The following POLE2 variants were observed in gnomAD, a reference collection of about 807,000 sequenced individuals.
POLE2 encodes the protein DNA polymerase epsilon subunit 2.
POLE2 carries 56 observed loss-of-function variants against 79.4 expected under a neutral mutation model. That is an observed-to-expected ratio of 0.71 (90% CI 0.57 to 0.88). POLE2 has a LOEUF of 0.88. POLE2 is among the 40% of genes least tolerant of loss of function. POLE2 has a pLI of 0.00. For missense variants in POLE2, 598 were observed against 638.9 expected (o/e 0.94, Z 0.69); for synonymous variants, 212 against 214.0 (o/e 0.99, Z 0.08).
chr14:49,685,848 C>T (rs1472597067), intron 1 of POLE2, among the ~76,000 whole-genome samples: 1 of 151,688 alleles, frequency 6.6e-6, no homozygotes, highest in East Asian at 1.9e-4. Context: ...AGGCCGGTCT[C>T]GAATTCCTGA....
In POLE2 at chr14:49,664,986, C is replaced by A. The variant is rs776682935; in HGVS notation, c.633+121G>T. 2.1e-5 allele frequency: 14 copies of A among 669,014 alleles called. No individual in the cohort carries two copies. The East Asian group carries it at 3.6e-4, about 17-fold the overall frequency. The allele number at this position is 669,014 out of a possible 1,614,324, so 41.4% of individuals were successfully genotyped here. A position where few individuals can be genotyped will look rare whatever the true frequency, so the allele number is the denominator to read the frequency against. On this transcript the variant is annotated intron_variant, in intron 8 of 18. Transcript: ENST00000216367. ...TTAGGATTATATCTCTACATTCCTA[C>A]ACCAGCAACATAGAGAAGTTACATT...
At chr14:49,682,663 A>G (rs915075279) in intron 2 of POLE2, among the ~76,000 whole-genome samples, 2 of 149,840 alleles carry the variant, frequency 1.3e-5, no homozygotes, top group African/African-American at 5.0e-5. Flanking sequence ...AAAAAAAAAA[A>G]AAAGTCTATT....
chr14:49,679,911 A>G (rs1262487269), intron 2 of POLE2, 111 bp from the exon 3 acceptor site: 2 of 629,924 alleles, frequency 3.2e-6, no homozygotes, highest in East Asian at 2.8e-5. Context: ...TGAGATTCTC[A>G]TTATACAGTT....
Position 49,650,287 on chromosome 14 carries a change from G to A in POLE2, c.1475C>T (p.Thr492Ile), listed in dbSNP as rs757260783. The A allele has an allele frequency of 9.4e-6, 15 of 1,601,894 alleles. No individual in the cohort carries two copies. In the East Asian group the frequency reaches 3.2e-4, roughly 34 times the overall value. Residue 492 changes from threonine (T) to isoleucine (I), a missense_variant, in exon 17 of 19, where the codon ACC (threonine) becomes ATC (isoleucine). Thr to Ile is a moderately conservative substitution (Grantham distance 89). Coordinates refer to ENST00000216367, the MANE Select transcript of POLE2 (RefSeq NM_002692.4). ...TACAGGGTTTATGCAGAGGCATTCG[G>A]TATTTGTCGTAGTGAAAGGATCATA... ...DKYDPFTTTN[T>I]ECLCINPGSF...
intron 10 of POLE2, among the ~76,000 whole-genome samples, chr14:49,662,383 T>C (rs1347383725): frequency 6.6e-6 from 1 of 152,230 alleles, no homozygotes; most frequent in African/African-American, 2.4e-5. Context: ...CTGCAACCTC[T>C]GCCTCCTGGT....
At chr14:49,653,532 A>G (rs1884428296) in intron 15 of POLE2, among the ~76,000 whole-genome samples, 1 of 152,240 alleles carries the variant, frequency 6.6e-6, no homozygotes, top group Admixed American at 6.5e-5. Context: ...AAGTTTTGAG[A>G]AACCTAAAAC....
intron 11 of POLE2, 126 bp from the exon 12 acceptor site, chr14:49,655,220 A>G (rs1331660018): frequency 3.0e-6 from 1 of 328,458 alleles, no homozygotes; most frequent in African/African-American, 2.2e-5. Context: ...ATAACTTATT[A>G]AAATAATACT....
intron 5 of POLE2, among the ~76,000 whole-genome samples, chr14:49,670,317 C>CAAAAAAAAAAAA (rs61383006): frequency 5.1e-5 from 3 of 59,102 alleles, no homozygotes; most frequent in Admixed American, 1.9e-4. Flanking sequence ...ACTGTGTCTC[C>CAAAAAAAAAAAA]AAAAAAAAAA....
chr14:49,676,186 T>A (rs896019753), intron 3 of POLE2, among the ~76,000 whole-genome samples: 6 of 152,108 alleles, frequency 3.9e-5, no homozygotes, highest in East Asian at 1.9e-4. Flanking sequence ...CCAAAAAAAA[T>A]TATTTAATTT....
intron 6 of POLE2, among the ~76,000 whole-genome samples, chr14:49,668,748 T>C (rs972707335): frequency 2.0e-5 from 3 of 152,150 alleles, no homozygotes; most frequent in Non-Finnish European, 4.4e-5. Context: ...TGATCTTTGG[T>C]AGGGAAATAT....
intron 9 of POLE2, among the ~76,000 whole-genome samples, chr14:49,664,254 C>T (rs1885310223): frequency 6.7e-6 from 1 of 149,398 alleles, no homozygotes; most frequent in Non-Finnish European, 1.5e-5. Context: ...AAGGCTGAGG[C>T]ATGAGAATCA....
intron 1 of POLE2, among the ~76,000 whole-genome samples, chr14:49,687,041 TGGGAGGCCACGGC>T (rs1319097447): frequency 1.3e-5 from 2 of 152,074 alleles, no homozygotes; most frequent in African/African-American, 4.8e-5. Context: ...TCCAGCATTC[TGGGAGGCCACGGC>T]GCGAGGACTA....
chr14:49,663,766 T>C lies in POLE2; in HGVS notation c.683-379A>G, dbSNP rs150458519. 1.3e-4 allele frequency among the ~76,000 whole-genome samples: 20 copies of C among 152,218 alleles called. No homozygotes were observed. The East Asian group carries it at 2.9e-3, about 22-fold the overall frequency. On this transcript the variant is annotated intron_variant, in intron 9 of 18. Coordinates refer to ENST00000216367, the MANE Select transcript of POLE2 (RefSeq NM_002692.4). ...ATTCAGGGCCGGGTGCAGTGGCTCA[T>C]GCCTGTAATCCCAGCACTTTGGGAG...
At chr14:49,650,242 T>C (rs1884112409) in intron 17 of POLE2, 23 bp downstream of exon 17, 6 of 1,335,464 alleles carry the variant, frequency 4.5e-6, no homozygotes, top group Non-Finnish European at 6.2e-6. Flanking sequence ...ATAATGACTA[T>C]ATAAGATTAA....
chr14:49,684,205 G>C (rs780305044), intron 1 of POLE2, among the ~76,000 whole-genome samples: 2 of 152,166 alleles, frequency 1.3e-5, no homozygotes, highest in African/African-American at 4.8e-5. Context: ...GCTCACGCCT[G>C]TAATCCCAGC....
At chr14:49,672,567 T>C (rs1188344675) in intron 5 of POLE2, among the ~76,000 whole-genome samples, 2 of 151,794 alleles carry the variant, frequency 1.3e-5, no homozygotes, top group Admixed American at 6.6e-5. Flanking sequence ...TGGCGCCATC[T>C]TGGCTCACCA....
chr14:49,667,367 C>T (rs1299827985), intron 6 of POLE2, among the ~76,000 whole-genome samples: 2 of 152,012 alleles, frequency 1.3e-5, no homozygotes, highest in Non-Finnish European at 2.9e-5. Context: ...TCTGAGACAT[C>T]TTTCCATTTT....
At chr14:49,666,488 A>G (rs56287499) in intron 6 of POLE2, 75 bp from the exon 7 acceptor site, 1 of 570,082 alleles carries the variant, frequency 1.8e-6, no homozygotes, top group East Asian at 3.4e-5. Flanking sequence ...ATAAATAACT[A>G]TATTTGGGGT....
chr14:49,659,827 C>G (rs1232544915), intron 10 of POLE2, among the ~76,000 whole-genome samples: 2 of 152,148 alleles, frequency 1.3e-5, no homozygotes, highest in Non-Finnish European at 2.9e-5. Flanking sequence ...CCTTAAGCAA[C>G]ACTCCCTTCA....
Sources: gnomAD v4.1 joint callset for allele counts (sites outside exome capture counted in the v4.1 genomes callset) on GRCh38, gnomAD v4.1.1 for gene constraint, MANE v1.5 for transcripts, NCBI Gene and HGNC (gene_info 2026-07-23, HGNC 2026-07-21) for gene names.